The following PTK7 variants were observed in gnomAD, a reference collection of about 807,000 sequenced individuals.
PTK7 encodes the protein inactive tyrosine-protein kinase 7.
In PTK7, 39 loss-of-function variants were observed where a neutral mutation model predicts 116.6. The ratio of observed to expected loss-of-function variants is 0.33; its 90% CI spans 0.26 to 0.44. The LOEUF (loss-of-function observed/expected upper bound fraction) is 0.44. PTK7 is among the 20% of genes least tolerant of loss of function. PTK7 has a pLI of 1.00. For synonymous variants in PTK7, 546 were observed against 563.6 expected (o/e 0.97, Z 0.44); for missense variants, 1,169 against 1,425.6 (o/e 0.82, Z 2.90).
At chr6:43,112,885 G>A (rs1768270113) in intron 1 of PTK7, among the ~76,000 whole-genome samples, 1 of 152,206 alleles carries the variant, frequency 6.6e-6, no homozygotes, top group South Asian at 2.1e-4. Flanking sequence ...CTGCAGTGCA[G>A]TGGCACAATC....
At chr6:43,125,465 C>T (rs1290713558) in intron 1 of PTK7, among the ~76,000 whole-genome samples, 1 of 152,208 alleles carries the variant, frequency 6.6e-6, no homozygotes, top group Non-Finnish European at 1.5e-5. Flanking sequence ...TCTCTTCTCC[C>T]AGCTTGGGTT....
In PTK7 at chr6:43,161,122, A is replaced by G. The variant is rs915654040; in HGVS notation, c.*241A>G. The stretch of plus-strand genomic sequence containing the variant: ...TTTGAGCTGGGCAGTTTTCCCTGCC[A>G]CCTCTTCCTCTATCAGGGACAGTGT... On this transcript the variant is annotated 3_prime_UTR_variant, in exon 20 of 20. Coordinates refer to ENST00000230419, the MANE Select transcript of PTK7 (RefSeq NM_002821.5). 3.8e-6 allele frequency: 2 copies of G among 526,952 alleles called. No homozygotes were observed. The highest frequency in any genetic ancestry group is 3.8e-5 in the African/African-American group (2 of 52,712). The allele number at this position is 526,952 out of a possible 1,614,324, so 32.6% of individuals were successfully genotyped here. A position where few individuals can be genotyped will look rare whatever the true frequency, so the allele number is the denominator to read the frequency against.
At position 43,139,593 on chromosome 6, in the gene PTK7, C is replaced by T; in HGVS notation, c.1618+68C>T. Reference sequence around the variant, plus strand: ...CACTGATCAGATACATACCTGAGGGCTGCTGGGTGCCCCGCACTGTGCCAG... The same window carrying T: ...CACTGATCAGATACATACCTGAGGGTTGCTGGGTGCCCCGCACTGTGCCAG... On this transcript the variant is annotated intron_variant, in intron 10 of 19. Transcript: ENST00000230419. The surrounding 1 kb of genome is among the most constrained non-coding windows in gnomAD (Gnocchi z 4.6). 1.3e-6 allele frequency: 2 copies of T among 1,594,996 alleles called. No individual in the cohort carries two copies. The highest frequency in any genetic ancestry group is 1.1e-5 in the South Asian group (1 of 88,742).
intron 1 of PTK7, among the ~76,000 whole-genome samples, chr6:43,117,724 G>A (rs901089257): frequency 4.6e-5 from 7 of 152,134 alleles, no homozygotes; most frequent in African/African-American, 1.7e-4. Flanking sequence ...CAGATCACCT[G>A]AGATCAGGAG....
chr6:43,092,208 C>G (rs543790967), intron 1 of PTK7, among the ~76,000 whole-genome samples: 12 of 152,166 alleles, frequency 7.9e-5, no homozygotes, highest in African/African-American at 2.9e-4. Flanking sequence ...TGGTCTTGCT[C>G]TGTTGCCCAG....
At chr6:43,157,380 T>TC (rs1771564622) in intron 17 of PTK7, among the ~76,000 whole-genome samples, 1 of 101,540 alleles carries the variant, frequency 9.8e-6, no homozygotes, top group Non-Finnish European at 2.0e-5. Flanking sequence ...TTTTTTCTTT[T>TC]TTTTTTTTTT....
At position 43,139,504 on chromosome 6, in the gene PTK7, A is replaced by G. The variant is rs749216222; in HGVS notation, c.1597A>G (p.Thr533Ala). The G allele has an allele frequency of 1.9e-6, 3 of 1,614,200 alleles. No individual in the cohort carries two copies. The highest frequency in any genetic ancestry group is 2.2e-5 in the East Asian group (1 of 44,888). The change falls in exon 10 of 20, where the codon ACT (threonine) becomes GCT (alanine). Residue 533 changes from threonine to alanine, a missense_variant. By Grantham distance (58) the Thr-to-Ala change is moderately conservative (BLOSUM62 0). Coordinates refer to ENST00000230419, the MANE Select transcript of PTK7 (RefSeq NM_002821.5). The surrounding 1 kb of genome is among the most constrained non-coding windows in gnomAD (Gnocchi z 4.6). ...PCSATGREKP[T>A]IKWERADGSS... is the part of the protein sequence containing the mutation. The stretch of plus-strand genomic sequence containing the variant: ...TTCAGCCACAGGCCGAGAGAAGCCC[A>G]CTATTAAGTGGGAACGGGCAGGTGG...
chr6:43,136,113 G>A (rs1050524972), intron 7 of PTK7, among the ~76,000 whole-genome samples: 6 of 151,964 alleles, frequency 3.9e-5, no homozygotes, highest in African/African-American at 1.2e-4. Context: ...CCGAGATTGC[G>A]CCACTGCACT....
chr6:43,128,035 A>T (rs193302431), intron 1 of PTK7, among the ~76,000 whole-genome samples: 178 of 152,250 alleles, frequency 1.2e-3, no homozygotes, highest in African/African-American at 3.8e-3. Flanking sequence ...GGTTTTTTCA[A>T]AGAAGCGTCT....
Position 43,076,403 on chromosome 6 carries a change from G to T in PTK7, c.-86G>T. The T allele has an allele frequency of 8.9e-7, 1 of 1,120,128 alleles. No individual in the cohort carries two copies. The highest frequency in any genetic ancestry group is 3.4e-5 in the East Asian group (1 of 29,728). The allele number at this position is 1,120,128 out of a possible 1,614,324, so 69.4% of individuals were successfully genotyped here. A position where few individuals can be genotyped will look rare whatever the true frequency, so the allele number is the denominator to read the frequency against. On this transcript the variant is annotated 5_prime_UTR_variant, in exon 1 of 20. Coordinates refer to ENST00000230419, the MANE Select transcript of PTK7 (RefSeq NM_002821.5). This position sits in a 1 kb window ranked among gnomAD's most constrained non-coding sequence, Gnocchi z 5.7. ...GCTGCTGCTGCGGCGCCCGCGCTCC[G>T]GTGCGCTCCGCCTCCTGTGCCCGCC...
In PTK7 at chr6:43,159,800, C is replaced by T. The variant is rs747370250; in HGVS notation, c.2886C>T (p.His962=). The T allele has an allele frequency of 2.5e-6, 4 of 1,614,240 alleles. No homozygotes were observed. The highest frequency in any genetic ancestry group is 3.4e-6 in the Non-Finnish European group (4 of 1,180,040). ...SKDVYNSEYY[H]FRQAWVPLRW... ...TTCTCTCCTGCAGTGAGTACTACCA[C>T]TTCCGCCAGGCCTGGGTGCCGCTGC... Residue 962 remains histidine, a synonymous_variant, in exon 19 of 20, where the codon CAC becomes CAT. Transcript: ENST00000230419.
At chr6:43,081,685 G>T in intron 1 of PTK7, among the ~76,000 whole-genome samples, 1 of 152,198 alleles carries the variant, frequency 6.6e-6, no homozygotes. Flanking sequence ...GATTACAGGC[G>T]TGAGCCACTG....
Position 43,142,191 on chromosome 6 carries a change from G to A in PTK7, c.1939G>A (p.Gly647Ser). The A allele has an allele frequency of 6.2e-7, 1 of 1,614,152 alleles. No homozygotes were observed. Among genetic ancestry groups the A allele is most frequent in the Non-Finnish European group, 8.5e-7 (1 of 1,180,042 alleles). ...LGPRMHIFQN[G>S]SLVIHDVAPE... ...CGACAGGATGCACATCTTCCAGAAT[G>A]GCTCCCTGGTGATCCATGACGTGGC... The change falls in exon 13 of 20, where the codon GGC becomes AGC. Residue 647 changes from glycine to serine, a missense_variant. Coordinates refer to ENST00000230419, the MANE Select transcript of PTK7 (RefSeq NM_002821.5).
At chr6:43,152,099 G>C (rs1288032797) in intron 17 of PTK7, among the ~76,000 whole-genome samples, 1 of 150,764 alleles carries the variant, frequency 6.6e-6, no homozygotes, top group Non-Finnish European at 1.5e-5. Flanking sequence ...CACCCGCCTC[G>C]GCCTCCCAAA....
intron 10 of PTK7, among the ~76,000 whole-genome samples, chr6:43,140,667 C>T (rs559026795): frequency 6.6e-6 from 1 of 151,932 alleles, no homozygotes; most frequent in Non-Finnish European, 1.5e-5. Context: ...GTGGGAGGAT[C>T]GCTTGAGCCC....
chr6:43,100,369 C>T (rs1403506057), intron 1 of PTK7, among the ~76,000 whole-genome samples: 6 of 142,598 alleles, frequency 4.2e-5, no homozygotes, highest in African/African-American at 1.0e-4. Context: ...GGTGACAGAG[C>T]GAGACTCCAT....
At chr6:43,126,385 C>T (rs749323379) in intron 1 of PTK7, among the ~76,000 whole-genome samples, 9 of 152,160 alleles carry the variant, frequency 5.9e-5, no homozygotes, top group Non-Finnish European at 1.3e-4. Context: ...ACTGGGGACT[C>T]AGTCTGATTC....
In PTK7 at chr6:43,145,476, C is replaced by T; in HGVS notation, c.2640+44C>T. 1 of 1,447,722 alleles carries T rather than the reference C, an allele frequency of 6.9e-7. No individual in the cohort carries two copies. Among genetic ancestry groups the T allele is most frequent in the Non-Finnish European group, 9.3e-7 (1 of 1,073,358 alleles). The allele number at this position is 1,447,722 out of a possible 1,614,324, so 89.7% of individuals were successfully genotyped here. ...ACGTGGGGGTCTCGGGTAGGGAGGGCAGTGTCCTACAAAGGTGGGAGTCAG... is the reference window on the plus strand; with the variant it reads ...ACGTGGGGGTCTCGGGTAGGGAGGGTAGTGTCCTACAAAGGTGGGAGTCAG... On this transcript the variant is annotated intron_variant, in intron 16 of 19. Coordinates refer to ENST00000230419, the MANE Select transcript of PTK7 (RefSeq NM_002821.5). The surrounding 1 kb of genome is among the most constrained non-coding windows in gnomAD (Gnocchi z 4.8).
chr6:43,094,544 A>T (rs1211000885), intron 1 of PTK7, among the ~76,000 whole-genome samples: 1 of 150,804 alleles, frequency 6.6e-6, no homozygotes, highest in African/African-American at 2.4e-5. Context: ...GGCTCACTGC[A>T]AGCTCCGCCT....
Sources: gnomAD v4.1 joint callset for allele counts (sites outside exome capture counted in the v4.1 genomes callset) on GRCh38, gnomAD v4.1.1 for gene constraint, Gnocchi (gnomAD v3.1) non-coding constraint, MANE v1.5 for transcripts, NCBI Gene and HGNC (gene_info 2026-07-23, HGNC 2026-07-21) for gene names.